XYLB: variants seen among roughly 807,000 people sequenced by gnomAD.
XYLB encodes xylulokinase.
In XYLB, 62 loss-of-function variants were observed where a neutral mutation model predicts 78.7. The ratio of observed to expected loss-of-function variants is 0.79; its 90% confidence interval spans 0.64 to 0.97. The LOEUF is 0.97. Ranked by LOEUF, XYLB falls within the 50% of genes least tolerant of loss-of-function variation. The pLI is 0.00. For synonymous variants in XYLB, 245 were observed against 247.4 expected (o/e 0.99, Z 0.09); for missense variants, 687 against 676.8 (o/e 1.02, Z -0.17).
At chr3:38,443,324 G>A in the XYLB span, among the ~76,000 whole-genome samples, 1 of 152,214 alleles carries the variant, frequency 6.6e-6, no homozygotes, top group African/African-American at 2.4e-5. Context: ...GGCTGGTTGG[G>A]GGATTCTGGC....
chr3:38,413,029 G>A lies in XYLB; in HGVS notation c.*16G>A, dbSNP rs1708661814. On this transcript the variant is annotated 3_prime_UTR_variant, in exon 19 of 19. Coordinates refer to ENST00000207870, the MANE Select transcript of XYLB (RefSeq NM_005108.4). ...TCCGGAGTGAACAGGCATCCCTGTT[G>A]CCCCTGCCTGCCCAGATTTACTGAC... is the stretch of plus-strand genomic sequence containing the variant. 1 of 1,574,366 alleles carries A rather than the reference G, an allele frequency of 6.4e-7. No individual in the cohort carries two copies. The highest frequency in any genetic ancestry group is 8.6e-7 in the Non-Finnish European group (1 of 1,167,276).
In XYLB at chr3:38,365,623, A is replaced by G. The variant is rs1157067894; in HGVS notation, c.394A>G (p.Ser132Gly). The change falls in exon 6 of 19, where the codon AGC (serine) becomes GGC (glycine). Residue 132 changes from serine (S) to glycine (G), a missense_variant. By Grantham distance (56) the Ser-to-Gly change is moderately conservative. Coordinates refer to ENST00000207870, the MANE Select transcript of XYLB (RefSeq NM_005108.4). ...HQQLQDCFSI[S>G]DCPVWMDSST... ...TCCTTCCCAGGACTGTTTCTCCATC[A>G]GCGACTGCCCGGTGTGGATGGACTC... The G allele has an allele frequency of 7.4e-6, 12 of 1,612,756 alleles. No individual in the cohort carries two copies. Among genetic ancestry groups the G allele is most frequent in the Non-Finnish European group, 1.0e-5 (12 of 1,179,112 alleles).
At chr3:38,389,815 G>T (rs1162760734) in intron 15 of XYLB, among the ~76,000 whole-genome samples, 1 of 152,110 alleles carries the variant, frequency 6.6e-6, no homozygotes, top group Non-Finnish European at 1.5e-5. Flanking sequence ...TTCCATAGTA[G>T]TTCACTGGAG....
the XYLB span, among the ~76,000 whole-genome samples, chr3:38,434,740 T>G: frequency 1.3e-5 from 2 of 152,128 alleles, no homozygotes; most frequent in Non-Finnish European, 2.9e-5. Context: ...ACAAAGAATA[T>G]GCATAACAAC....
Position 38,374,476 on chromosome 3 carries a change from A to G in XYLB, c.862A>G (p.Met288Val). Reference sequence around the variant, plus strand: ...CCCATTCTCAGCGTCGCTGGCAGGCATGAGACTGGAGGAAGGTGACATTGC... The same window carrying G: ...CCCATTCTCAGCGTCGCTGGCAGGCGTGAGACTGGAGGAAGGTGACATTGC... ...TGDNPASLAG[M>V]RLEEGDIAVS... is the part of the protein sequence containing the mutation. The change falls in exon 11 of 19, where the codon ATG becomes GTG. Residue 288 changes from methionine to valine, a missense_variant. Coordinates refer to ENST00000207870, the MANE Select transcript of XYLB (RefSeq NM_005108.4). 4 of 1,613,518 alleles carry G rather than the reference A, an allele frequency of 2.5e-6. No individual in the cohort carries two copies. The highest frequency in any genetic ancestry group is 4.5e-5 in the East Asian group (2 of 44,776).
chr3:38,447,470 ATTTTT>A, the XYLB span, among the ~76,000 whole-genome samples: 2 of 124,946 alleles, frequency 1.6e-5, no homozygotes, highest in Admixed American at 8.1e-5. Context: ...CATCTGGCTA[ATTTTT>A]TTTTTTTTTT....
At chr3:38,386,435 T>C (rs540590930) in intron 15 of XYLB, among the ~76,000 whole-genome samples, 26 of 152,360 alleles carry the variant, frequency 1.7e-4, no homozygotes, top group African/African-American at 6.0e-4. Flanking sequence ...TGATTGGATT[T>C]AATTGAATCT....
At chr3:38,434,719 G>T in the XYLB span, among the ~76,000 whole-genome samples, 48 of 152,270 alleles carry the variant, frequency 3.2e-4, no homozygotes, top group African/African-American at 1.1e-3. Context: ...ATGACAATAA[G>T]AGAAAAAGAA....
intron 13 of XYLB, 88 bp from the exon 14 acceptor site, chr3:38,376,830 G>T (rs1706881340): frequency 8.9e-7 from 1 of 1,120,528 alleles, no homozygotes; most frequent in African/African-American, 1.6e-5. Context: ...GGGATATGGG[G>T]TCATTTTGTC....
chr3:38,367,218 G>A (rs1185226681), intron 7 of XYLB, among the ~76,000 whole-genome samples: 3 of 152,146 alleles, frequency 2.0e-5, no homozygotes, highest in Non-Finnish European at 4.4e-5. Flanking sequence ...AACGCAGGAG[G>A]GCTACCAGGC....
chr3:38,347,270 G>A (rs1705118086), intron 1 of XYLB, among the ~76,000 whole-genome samples: 1 of 152,224 alleles, frequency 6.6e-6, no homozygotes, highest in African/African-American at 2.4e-5. Context: ...ACCCAGTGAC[G>A]GGGATCCGAA....
chr3:38,360,321 T>A lies in XYLB; in HGVS notation c.141-18T>A. 1 of 1,612,914 alleles carries A rather than the reference T, an allele frequency of 6.2e-7. No homozygotes were observed. The highest frequency in any genetic ancestry group is 8.5e-7 in the Non-Finnish European group (1 of 1,178,948). ...CCTGCCCTGAGGCTCTGGTCTACAT[T>A]CTCTGTTGTTCTTGCAGGACTCAGG... On this transcript the variant is annotated intron_variant, in intron 2 of 18. Coordinates refer to ENST00000207870, the MANE Select transcript of XYLB (RefSeq NM_005108.4).
intron 18 of XYLB, among the ~76,000 whole-genome samples, chr3:38,412,118 G>A (rs1236275079): frequency 3.3e-5 from 5 of 151,890 alleles, no homozygotes; most frequent in African/African-American, 1.2e-4. Flanking sequence ...AGCCTCTCGA[G>A]TAGTTGGGAT....
chr3:38,412,849 G>C, intron 18 of XYLB, 87 bp from the exon 19 acceptor site: 1 of 1,158,762 alleles, frequency 8.6e-7, no homozygotes, highest in South Asian at 1.5e-5. Flanking sequence ...AAGTAAACGG[G>C]ATTTAAAAAT....
chr3:38,347,068 C>T lies in XYLB; in HGVS notation c.57+143C>T, dbSNP rs886237463. 10 of 794,432 alleles carry T rather than the reference C, an allele frequency of 1.3e-5. No homozygotes were observed. In the Admixed American group the frequency reaches 2.6e-4, roughly 21 times the overall value. The allele number at this position is 794,432 out of a possible 1,614,324, so 49.2% of individuals were successfully genotyped here. On this transcript the variant is annotated intron_variant, in intron 1 of 18. Coordinates refer to ENST00000207870, the MANE Select transcript of XYLB (RefSeq NM_005108.4). ...TCGGGCTTCCCGGGGCCCCCGCGCCCCTGCCCTGCGCGCGGCCGTGGGGCG... is the reference window on the plus strand; with the variant it reads ...TCGGGCTTCCCGGGGCCCCCGCGCCTCTGCCCTGCGCGCGGCCGTGGGGCG...
At chr3:38,353,462 A>G (rs1356951457) in intron 2 of XYLB, among the ~76,000 whole-genome samples, 2 of 151,818 alleles carry the variant, frequency 1.3e-5, no homozygotes, top group Non-Finnish European at 2.9e-5. Flanking sequence ...CGCCCCTACC[A>G]TGACCAGCTA....
chr3:38,417,327 C>T (rs139815948), downstream of XYLB, among the ~76,000 whole-genome samples: 1,131 of 152,026 alleles, frequency 7.4e-3, 14 homozygotes, highest in African/African-American at 0.025. Context: ...ATTTATGACT[C>T]TTCTAGGAAT....
At chr3:38,395,618 A>G (rs1707839111) in intron 16 of XYLB, 55 bp downstream of exon 16, 1 of 1,575,598 alleles carries the variant, frequency 6.3e-7, no homozygotes, top group African/African-American at 1.4e-5. Flanking sequence ...TGTTATGTCT[A>G]AGAGCCAGAG....
the XYLB span, among the ~76,000 whole-genome samples, chr3:38,438,213 C>A: frequency 6.6e-5 from 10 of 151,890 alleles, no homozygotes; most frequent in Non-Finnish European, 8.8e-5. Flanking sequence ...GGTGACAGAG[C>A]AAGACCCTGT....
Sources: gnomAD v4.1 joint callset for allele counts (sites outside exome capture counted in the v4.1 genomes callset) on GRCh38, gnomAD v4.1.1 for gene constraint, MANE v1.5 for transcripts, NCBI Gene and HGNC (gene_info 2026-07-23, HGNC 2026-07-21) for gene names.